IFNAR2: variants seen among roughly 807,000 people sequenced by gnomAD.
IFNAR2 encodes the protein interferon alpha/beta receptor 2.
A neutral mutation model predicts 49.4 loss-of-function variants in IFNAR2; 30 were observed. That is an observed-to-expected ratio of 0.61 (90% CI 0.45 to 0.82). IFNAR2 has a LOEUF of 0.82. IFNAR2 is among the 40% of genes least tolerant of loss of function. The probability of loss-of-function intolerance (pLI) is 0.00; values close to 1 mark genes in which losing one functional copy is unlikely to be tolerated. For synonymous variants in IFNAR2, 224 were observed against 234.5 expected (o/e 0.96, Z 0.41); for missense variants, 600 against 622.7 (o/e 0.96, Z 0.39).
intron 7 of IFNAR2, among the ~76,000 whole-genome samples, chr21:33,255,063 A>G (rs993195454): frequency 1.3e-5 from 2 of 152,216 alleles, no homozygotes; most frequent in African/African-American, 4.8e-5. Context: ...TCAAGACCAG[A>G]TGATGCACAG....
At position 33,241,898 on chromosome 21, in the gene IFNAR2, A is replaced by G. The variant is rs369214329; in HGVS notation, c.-25A>G. On this transcript the variant is annotated 5_prime_UTR_variant, in exon 2 of 9. Transcript: ENST00000342136. ...ATGTTGATTTCAGATGTAAAAGTCA[A>G]GAGAAGACTCTAAAAATAGCAAAGA... 2.5e-6 allele frequency: 4 copies of G among 1,609,934 alleles called. No homozygotes were observed. The African/African-American group carries it at 4.0e-5, about 16-fold the overall frequency.
intron 1 of IFNAR2, among the ~76,000 whole-genome samples, chr21:33,240,878 C>T (rs924977363): frequency 6.6e-6 from 1 of 151,692 alleles, no homozygotes; most frequent in Non-Finnish European, 1.5e-5. Flanking sequence ...AGAATGAAAT[C>T]GTGTTTTTGC....
Position 33,242,764 on chromosome 21 carries a change from TGTGTGTGTGTGTGTGTGTGTGTG to T in IFNAR2, c.55+788_55+810del, listed in dbSNP as rs1987062934. ...AAAAAAAAAATCTCGTGTGCGTGTG[TGTGTGTGTGTGTGTGTGTGTGTG>T]TGTGTGTGTGTGTGTGTTTTGAGGC... On this transcript the variant is annotated intron_variant, in intron 2 of 8. Transcript: ENST00000342136. Among the ~76,000 whole-genome samples, 6 of 7,364 alleles carry T rather than the reference TGTGTGTGTGTGTGTGTGTGTGTG, an allele frequency of 8.1e-4. 1 individual carries two copies. The highest frequency in any genetic ancestry group is 4.4e-3 in the African/African-American group (3 of 676). The allele number at this position is 7,364 out of a possible 152,430, so 4.8% of individuals were successfully genotyped here.
chr21:33,237,061 C>T (rs1986514644), intron 1 of IFNAR2, among the ~76,000 whole-genome samples: 1 of 119,394 alleles, frequency 8.4e-6, no homozygotes, highest in African/African-American at 3.2e-5. Flanking sequence ...ATCCCCTGGC[C>T]CAGAGGGGGA....
At chr21:33,248,676 A>T in intron 5 of IFNAR2, 33 bp from the exon 6 acceptor site, 2 of 1,576,184 alleles carry the variant, frequency 1.3e-6, no homozygotes, top group Non-Finnish European at 1.7e-6. Context: ...GGTCTCTGTG[A>T]CATATTCCTG....
At chr21:33,257,723 A>G (rs1169353778) in intron 7 of IFNAR2, among the ~76,000 whole-genome samples, 1 of 152,210 alleles carries the variant, frequency 6.6e-6, no homozygotes. Context: ...CAGGAAGTCC[A>G]GCTGGCCTCA....
chr21:33,230,385 G>T lies in IFNAR2; in HGVS notation c.-84+169G>T. The T allele has an allele frequency of 1.8e-6, 1 of 552,664 alleles. No homozygotes were observed. The allele number at this position is 552,664 out of a possible 1,614,324, so 34.2% of individuals were successfully genotyped here. A position where few individuals can be genotyped will look rare whatever the true frequency, so the allele number is the denominator to read the frequency against. Reference sequence around the variant, plus strand: ...TCTGCGTCTTGAGTATGCGGCTAGTGCGCCCTTCCTCTCTCCCGGGGCCGC... The same window carrying T: ...TCTGCGTCTTGAGTATGCGGCTAGTTCGCCCTTCCTCTCTCCCGGGGCCGC... On this transcript the variant is annotated intron_variant, in intron 1 of 8. Coordinates refer to ENST00000342136, the MANE Select transcript of IFNAR2 (RefSeq NM_001289125.3). This position sits in a 1 kb window ranked among gnomAD's most constrained non-coding sequence, Gnocchi z 5.5.
chr21:33,254,175 G>A (rs1346304768), intron 7 of IFNAR2, among the ~76,000 whole-genome samples: 2 of 152,184 alleles, frequency 1.3e-5, no homozygotes, highest in African/African-American at 4.8e-5. Flanking sequence ...TCTCAGCCAA[G>A]GGCCGAGTAA....
chr21:33,234,330 A>G (rs909918212), intron 1 of IFNAR2, among the ~76,000 whole-genome samples: 2 of 152,150 alleles, frequency 1.3e-5, no homozygotes, highest in African/African-American at 4.8e-5. Flanking sequence ...CTAGAATCAA[A>G]TATGCCAAGA....
Position 33,263,539 on chromosome 21 carries a change from T to C in IFNAR2, c.*39T>C. Reference sequence around the variant, plus strand: ...GAATGAACTTGGACAGACAAGCACCTACAGGGTTCTTTGTCTCTGCATCCT... The same window carrying C: ...GAATGAACTTGGACAGACAAGCACCCACAGGGTTCTTTGTCTCTGCATCCT... On this transcript the variant is annotated 3_prime_UTR_variant, in exon 9 of 9. Transcript: ENST00000342136. 2 of 1,543,426 alleles carry C rather than the reference T, an allele frequency of 1.3e-6. No individual in the cohort carries two copies. Among genetic ancestry groups the C allele is most frequent in the South Asian group, 1.2e-5 (1 of 81,796 alleles).
chr21:33,236,936 C>T lies in IFNAR2; in HGVS notation c.-83-4904C>T, dbSNP rs1055199210. On this transcript the variant is annotated intron_variant, in intron 1 of 8. Coordinates refer to ENST00000342136, the MANE Select transcript of IFNAR2 (RefSeq NM_001289125.3). ...CAAGAGTTTTAAGGAGCTCCATTAA[C>T]AATTTAGGCACGATGCCAAGATGGG... 8 of 924,782 alleles carry T rather than the reference C, an allele frequency of 8.7e-6. No homozygotes were observed. The East Asian group carries it at 9.4e-4, about 108-fold the overall frequency. The allele number at this position is 924,782 out of a possible 1,614,324, so 57.3% of individuals were successfully genotyped here.
intron 1 of IFNAR2, among the ~76,000 whole-genome samples, chr21:33,240,597 T>C (rs1215601803): frequency 6.6e-6 from 1 of 152,084 alleles, no homozygotes; most frequent in Non-Finnish European, 1.5e-5. Context: ...AAGGCGAGAA[T>C]CCAGGAGTTT....
At chr21:33,260,476 T>G (rs1261337929) in intron 7 of IFNAR2, 121 bp from the exon 8 acceptor site, 1 of 825,102 alleles carries the variant, frequency 1.2e-6, no homozygotes, top group Non-Finnish European at 1.8e-6. Context: ...AATATAAAAC[T>G]GTTTTTTCAA....
rs1987161526 is a variant in IFNAR2, at chr21:33,243,619, C to G, written c.56-54C>G. ...AATGTCAGACTTAGAGTAATCATTGCAAGTTGAGCCCAGATAAAACTATTG... is the reference window on the plus strand; with the variant it reads ...AATGTCAGACTTAGAGTAATCATTGGAAGTTGAGCCCAGATAAAACTATTG... On this transcript the variant is annotated intron_variant, in intron 2 of 8. Transcript: ENST00000342136. The G allele has an allele frequency of 2.8e-6, 4 of 1,445,874 alleles. No individual in the cohort carries two copies. In the South Asian group the frequency reaches 4.6e-5, roughly 17 times the overall value. The allele number at this position is 1,445,874 out of a possible 1,614,324, so 89.6% of individuals were successfully genotyped here.
intron 7 of IFNAR2, 141 bp downstream of exon 7, chr21:33,252,971 T>C (rs1318474372): frequency 1.3e-6 from 1 of 744,846 alleles, no homozygotes; most frequent in Non-Finnish European, 2.4e-6. Context: ...AGAGATGTTT[T>C]CTGTTGGTTC....
intron 5 of IFNAR2, among the ~76,000 whole-genome samples, chr21:33,247,757 T>C (rs1400847260): frequency 6.6e-6 from 1 of 152,196 alleles, no homozygotes; most frequent in South Asian, 2.1e-4. Context: ...TGTTACTTTT[T>C]CAATTTCCCA....
rs1988788280 is a variant in IFNAR2 at position 33,263,548 on chromosome 21, C to A, written c.*48C>A. On this transcript the variant is annotated 3_prime_UTR_variant, in exon 9 of 9. Coordinates refer to ENST00000342136, the MANE Select transcript of IFNAR2 (RefSeq NM_001289125.3). Reference sequence around the variant, plus strand: ...TGGACAGACAAGCACCTACAGGGTTCTTTGTCTCTGCATCCTAACTTGCTG... The same window carrying A: ...TGGACAGACAAGCACCTACAGGGTTATTTGTCTCTGCATCCTAACTTGCTG... 6.6e-7 allele frequency: 1 copy of A among 1,524,572 alleles called. No individual in the cohort carries two copies. Among genetic ancestry groups the A allele is most frequent in the Non-Finnish European group, 8.8e-7 (1 of 1,138,974 alleles). 94.4% of individuals were successfully genotyped at this position (1,524,572 alleles called of 1,614,324 possible). A position where few individuals can be genotyped will look rare whatever the true frequency, so the allele number is the denominator to read the frequency against.
chr21:33,247,254 C>CTTTCTTTTTTTTTTTTT (rs773079900), intron 5 of IFNAR2, among the ~76,000 whole-genome samples: 4 of 91,574 alleles, frequency 4.4e-5, no homozygotes, highest in Non-Finnish European at 6.4e-5. Flanking sequence ...TTCTTTCTTT[C>CTTTCTTTTTTTTTTTTT]TTTTTTTTTT....
At chr21:33,231,412 C>T in intron 1 of IFNAR2, among the ~76,000 whole-genome samples, 1 of 152,148 alleles carries the variant, frequency 6.6e-6, no homozygotes, top group East Asian at 1.9e-4. Context: ...GTACATGACT[C>T]ATTTTTCTTA....
Sources: gnomAD v4.1 joint callset for allele counts (sites outside exome capture counted in the v4.1 genomes callset) on GRCh38, gnomAD v4.1.1 for gene constraint, Gnocchi (gnomAD v3.1) non-coding constraint, MANE v1.5 for transcripts, NCBI Gene and HGNC (gene_info 2026-07-23, HGNC 2026-07-21) for gene names.